Variants in NOVA1 observed in about 807,000 individuals in gnomAD.
NOVA1 encodes the protein RNA-binding protein Nova-1.
Under a neutral mutation model 38.0 loss-of-function variants are expected in NOVA1, and 7 were observed. The observed-to-expected ratio is 0.18, with a 90% confidence interval of 0.10 to 0.35. The LOEUF is 0.35. Ranked by LOEUF, NOVA1 falls within the 10% of genes least tolerant of loss-of-function variation. NOVA1 has a pLI of 1.00. For missense variants in NOVA1, 460 were observed against 616.0 expected (o/e 0.75, Z 2.68); for synonymous variants, 270 against 232.5 (o/e 1.16, Z -1.47).
chr14:26,494,913 T>A (rs1292072917), intron 2 of NOVA1, among the ~76,000 whole-genome samples: 1 of 152,214 alleles, frequency 6.6e-6, no homozygotes, highest in Non-Finnish European at 1.5e-5. Flanking sequence ...GTTTAAAAAC[T>A]TAACGGCTTC....
chr14:26,490,116 T>C (rs178203), intron 2 of NOVA1, among the ~76,000 whole-genome samples: 90,145 of 152,126 alleles, frequency 0.59, 31,012 homozygotes, highest in Non-Finnish European at 0.75. Context: ...ACAATATCTG[T>C]CTGGTGTCTG....
intron 2 of NOVA1, among the ~76,000 whole-genome samples, chr14:26,532,957 C>A (rs1305955229): frequency 6.6e-6 from 1 of 151,998 alleles, no homozygotes; most frequent in Non-Finnish European, 1.5e-5. Flanking sequence ...TCTATTTTTT[C>A]TCTCCTAGCT....
chr14:26,593,866 T>C (rs1314582888), intron 2 of NOVA1: 2 of 151,912 alleles, frequency 1.3e-5, no homozygotes, highest in Non-Finnish European at 3.0e-5. Context: ...CCTGCACATC[T>C]GATACCACCT....
intron 2 of NOVA1, among the ~76,000 whole-genome samples, chr14:26,573,675 C>G (rs1161779909): frequency 6.6e-6 from 1 of 151,964 alleles, no homozygotes; most frequent in African/African-American, 2.4e-5. Context: ...TGAGGGAGGT[C>G]CTTAAAGATG....
intron 2 of NOVA1, among the ~76,000 whole-genome samples, chr14:26,581,080 T>TA (rs1893191472): frequency 1.3e-5 from 2 of 152,080 alleles, no homozygotes; most frequent in South Asian, 4.1e-4. Context: ...ATTACGCAGA[T>TA]AAAAAACTGG....
intron 4 of NOVA1, among the ~76,000 whole-genome samples, chr14:26,449,231 T>C (rs1044766851): frequency 6.6e-6 from 1 of 152,172 alleles, no homozygotes; most frequent in Non-Finnish European, 1.5e-5. Context: ...CAACAGAATT[T>C]ATAAGAAATC....
At chr14:26,492,741 C>A (rs1052829509) in intron 2 of NOVA1, among the ~76,000 whole-genome samples, 1 of 151,944 alleles carries the variant, frequency 6.6e-6, no homozygotes, top group Non-Finnish European at 1.5e-5. Context: ...CCGAGGTAGG[C>A]GGATCACTTG....
intron 2 of NOVA1, among the ~76,000 whole-genome samples, chr14:26,589,155 C>G (rs1480438349): frequency 6.6e-6 from 1 of 151,436 alleles, no homozygotes; most frequent in Non-Finnish European, 1.5e-5. Context: ...TTTTTACATT[C>G]CAAATTATTT....
chr14:26,566,783 G>A (rs559045157), intron 2 of NOVA1, among the ~76,000 whole-genome samples: 17 of 152,140 alleles, frequency 1.1e-4, no homozygotes, highest in African/African-American at 3.6e-4. Context: ...GTGGAAAAAC[G>A]GAAGTCATCA....
At chr14:26,526,436 T>C (rs866522508) in intron 2 of NOVA1, among the ~76,000 whole-genome samples, 1 of 152,116 alleles carries the variant, frequency 6.6e-6, no homozygotes, top group East Asian at 1.9e-4. Context: ...AATAAAAAAC[T>C]CCTTGGCACT....
intron 4 of NOVA1, among the ~76,000 whole-genome samples, chr14:26,456,760 T>C (rs1318320896): frequency 6.6e-6 from 1 of 152,012 alleles, no homozygotes; most frequent in East Asian, 1.9e-4. Context: ...GAGGACATTG[T>C]ACAATGTATT....
chr14:26,571,233 T>G (rs979689565), intron 2 of NOVA1, among the ~76,000 whole-genome samples: 4 of 151,940 alleles, frequency 2.6e-5, no homozygotes, highest in Admixed American at 1.3e-4. Context: ...AAGGAGGAAT[T>G]AAGTGTCCTC....
intron 3 of NOVA1, among the ~76,000 whole-genome samples, chr14:26,475,613 A>AT: frequency 6.6e-6 from 1 of 152,150 alleles, no homozygotes; most frequent in East Asian, 1.9e-4. Flanking sequence ...CATAATATAT[A>AT]TTTTATCTAC....
chr14:26,512,039 A>T (rs931526507), intron 2 of NOVA1, among the ~76,000 whole-genome samples: 4 of 152,164 alleles, frequency 2.6e-5, no homozygotes, highest in Non-Finnish European at 2.9e-5. Context: ...TTCATGGAAG[A>T]TTTCATTCCA....
intron 2 of NOVA1, among the ~76,000 whole-genome samples, chr14:26,490,512 T>G (rs1886251454): frequency 6.6e-6 from 1 of 152,206 alleles, no homozygotes; most frequent in Non-Finnish European, 1.5e-5. Flanking sequence ...TTTATTATTA[T>G]TTTTTAGTAA....
chr14:26,448,359 G>C lies in NOVA1; in HGVS notation c.1124C>G (p.Thr375Arg). The change falls in exon 5 of 5, where the codon ACA becomes AGA. Residue 375 changes from threonine (T) to arginine (R), a missense_variant. Coordinates refer to ENST00000539517, the MANE Select transcript of NOVA1 (RefSeq NM_002515.3). The surrounding 1 kb of genome is among the most constrained non-coding windows in gnomAD (Gnocchi z 5.3). Reference sequence around the variant, plus strand: ...AAATGTCCCCGCCGTACCACCAGCTGTGCTGCCACTGGCTGAGGCTTCACT... The same window carrying C: ...AAATGTCCCCGCCGTACCACCAGCTCTGCTGCCACTGGCTGAGGCTTCACT... ...YASEASASGS[T>R]AGGTAGTFAL... 1 of 1,614,020 alleles carries C rather than the reference G, an allele frequency of 6.2e-7. No individual in the cohort carries two copies. The highest frequency in any genetic ancestry group is 8.5e-7 in the Non-Finnish European group (1 of 1,180,010).
intron 2 of NOVA1, among the ~76,000 whole-genome samples, chr14:26,532,857 T>G (rs1218186027): frequency 1.3e-5 from 2 of 152,188 alleles, no homozygotes; most frequent in Admixed American, 6.5e-5. Context: ...TTTATTTCAT[T>G]TTTCCAAGTG....
At chr14:26,505,324 T>G (rs1887564991) in intron 2 of NOVA1, among the ~76,000 whole-genome samples, 1 of 152,062 alleles carries the variant, frequency 6.6e-6, no homozygotes, top group South Asian at 2.1e-4. Context: ...GCTTGGATCA[T>G]GGGGGCAGTT....
At chr14:26,474,041 T>C (rs59181373) in intron 3 of NOVA1, among the ~76,000 whole-genome samples, 216 of 152,142 alleles carry the variant, frequency 1.4e-3, no homozygotes, top group African/African-American at 4.9e-3. Context: ...GTTCTATGAA[T>C]TGAACAGTAA....
Sources: allele counts gnomAD v4.1 joint callset (sites outside exome capture counted in the v4.1 genomes callset), GRCh38; gene constraint gnomAD v4.1.1; non-coding constraint Gnocchi (gnomAD v3.1); transcripts MANE v1.5; gene names NCBI Gene and HGNC (gene_info 2026-07-23, HGNC 2026-07-21).